The following SEM1 variants were observed in gnomAD, a reference collection of about 807,000 sequenced individuals.
SEM1 encodes the protein SEM1 26S proteasome subunit.
A neutral mutation model predicts 12.7 loss-of-function variants in SEM1; 3 were observed. That is an observed-to-expected ratio of 0.24 (90% CI 0.11 to 0.61). The LOEUF (loss-of-function observed/expected upper bound fraction) is 0.61. Ranked by LOEUF, SEM1 falls within the 20% of genes least tolerant of loss-of-function variation. The pLI, the probability that SEM1 is intolerant of heterozygous loss-of-function variation, is 0.88. For missense variants in SEM1, 59 were observed against 81.3 expected, an observed-to-expected ratio of 0.73 and a Z score of 1.06; for synonymous variants, 30 against 27.8, an observed-to-expected ratio of 1.08 and a Z score of -0.25.
intron 2 of SEM1, among the ~76,000 whole-genome samples, chr7:96,520,561 G>A (rs2115626625): frequency 6.6e-6 from 1 of 152,178 alleles, no homozygotes; most frequent in East Asian, 1.9e-4. Context: ...AATCCTGGTG[G>A]GTTACTCTCT....
chr7:96,540,122 G>A (rs924896147), intron 2 of SEM1, among the ~76,000 whole-genome samples: 5 of 151,340 alleles, frequency 3.3e-5, no homozygotes, highest in Non-Finnish European at 7.4e-5. Context: ...ACAAACAGTA[G>A]CACTAGCACA....
chr7:96,656,118 G>T (rs1352147101), intron 2 of SEM1, among the ~76,000 whole-genome samples: 2 of 152,150 alleles, frequency 1.3e-5, no homozygotes, highest in African/African-American at 4.8e-5. Context: ...CAGGAGGAAT[G>T]TAAAGATTCC....
chr7:96,498,982 CT>C (rs953478109), upstream of SEM1, among the ~76,000 whole-genome samples: 4 of 151,992 alleles, frequency 2.6e-5, no homozygotes, highest in African/African-American at 9.7e-5. Context: ...AATAGACTAG[CT>C]TTAACTATAA....
intron 2 of SEM1, among the ~76,000 whole-genome samples, chr7:96,534,423 C>T (rs1280705713): frequency 6.6e-6 from 1 of 152,022 alleles, no homozygotes; most frequent in African/African-American, 2.4e-5. Flanking sequence ...AGTGAAGCAA[C>T]ATTTTCCAAA....
chr7:96,604,419 C>A (rs770544167), intron 2 of SEM1, among the ~76,000 whole-genome samples: 16 of 152,110 alleles, frequency 1.1e-4, no homozygotes, highest in Non-Finnish European at 2.2e-4. Flanking sequence ...TCCCTAGTGT[C>A]ATTTCATGTA....
intron 2 of SEM1, among the ~76,000 whole-genome samples, chr7:96,683,128 T>C (rs963630686): frequency 2.0e-5 from 3 of 151,840 alleles, no homozygotes; most frequent in Non-Finnish European, 2.9e-5. Context: ...AGTTCAAACA[T>C]TGTGGAAGAC....
At chr7:96,601,135 A>G (rs1223060800) in intron 2 of SEM1, among the ~76,000 whole-genome samples, 1 of 152,242 alleles carries the variant, frequency 6.6e-6, no homozygotes, top group East Asian at 1.9e-4. Context: ...TTGTTTGTTT[A>G]AATAATTCCC....
intron 2 of SEM1, among the ~76,000 whole-genome samples, chr7:96,612,316 C>T (rs1807564658): frequency 6.6e-6 from 1 of 152,160 alleles, no homozygotes. Flanking sequence ...TGCATCCTGC[C>T]AACCAAGACA....
At chr7:96,654,361 G>C (rs1239870821) in intron 2 of SEM1, among the ~76,000 whole-genome samples, 1 of 152,142 alleles carries the variant, frequency 6.6e-6, no homozygotes, top group Non-Finnish European at 1.5e-5. Context: ...TCAAGGACTG[G>C]GATACAAATG....
intron 2 of SEM1, among the ~76,000 whole-genome samples, chr7:96,581,787 T>C (rs1229615162): frequency 6.6e-6 from 1 of 151,452 alleles, no homozygotes; most frequent in Non-Finnish European, 1.5e-5. Flanking sequence ...GTTGTTGGTG[T>C]ATAAGAATGC....
At chr7:96,546,267 C>T (rs1000142294) in intron 2 of SEM1, among the ~76,000 whole-genome samples, 4 of 151,984 alleles carry the variant, frequency 2.6e-5, no homozygotes, top group Non-Finnish European at 5.9e-5. Context: ...AACTCACCAT[C>T]GGAGGGGAAG....
chr7:96,569,936 A>G (rs1347511620), intron 2 of SEM1, among the ~76,000 whole-genome samples: 1 of 151,896 alleles, frequency 6.6e-6, no homozygotes, highest in Non-Finnish European at 1.5e-5. Flanking sequence ...ATTATCGTTG[A>G]TGGAAACTTA....
chr7:96,642,166 A>T (rs1808635213), intron 2 of SEM1, among the ~76,000 whole-genome samples: 1 of 152,028 alleles, frequency 6.6e-6, no homozygotes, highest in Non-Finnish European at 1.5e-5. Context: ...CATCTAGAAC[A>T]TTTTCATCAT....
intron 2 of SEM1, among the ~76,000 whole-genome samples, chr7:96,544,001 A>G (rs1261812604): frequency 1.3e-5 from 2 of 152,016 alleles, no homozygotes; most frequent in South Asian, 4.1e-4. Flanking sequence ...CACAAATTAT[A>G]TAGCCAGTCC....
rs114281800 is a variant in SEM1, at chr7:96,506,161, T to C, written c.*60+462A>G. ...CCATAGAAGTCTTTTGATAGTTTACTTGATATCTGTAGGACAAGATGTTCC... is the reference window on the plus strand; with the variant it reads ...CCATAGAAGTCTTTTGATAGTTTACCTGATATCTGTAGGACAAGATGTTCC... On this transcript the variant is annotated intron_variant and NMD_transcript_variant, in intron 3 of 3. Coordinates refer to the SEM1 transcript ENST00000466986. Among the ~76,000 whole-genome samples, 1,173 of 152,240 alleles carry C rather than the reference T, an allele frequency of 7.7e-3. 17 individuals carry two copies. Among genetic ancestry groups the C allele is most frequent in the African/African-American group, 0.027 (1,122 of 41,568 alleles).
At chr7:96,491,878 T>C (rs1803022270) in intron 1 of SEM1, among the ~76,000 whole-genome samples, 1 of 152,178 alleles carries the variant, frequency 6.6e-6, no homozygotes, top group African/African-American at 2.4e-5. Flanking sequence ...AAAAGAGTGC[T>C]ACATGTTATT....
intron 2 of SEM1, among the ~76,000 whole-genome samples, chr7:96,507,022 G>A (rs925277318): frequency 6.6e-6 from 1 of 151,730 alleles, no homozygotes; most frequent in African/African-American, 2.4e-5. Flanking sequence ...GTGCCAAAAG[G>A]ACTTAATTAC....
intron 2 of SEM1, among the ~76,000 whole-genome samples, chr7:96,602,590 T>A (rs1419952847): frequency 6.6e-6 from 1 of 152,162 alleles, no homozygotes; most frequent in African/African-American, 2.4e-5. Context: ...TATTTCTACC[T>A]CCCACTGATG....
intron 2 of SEM1, among the ~76,000 whole-genome samples, chr7:96,659,453 A>G (rs1232261408): frequency 6.6e-6 from 1 of 152,204 alleles, no homozygotes; most frequent in Non-Finnish European, 1.5e-5. Context: ...GATCATAACT[A>G]AAAGATCTTT....
Sources: gnomAD v4.1 joint callset for allele counts (sites outside exome capture counted in the v4.1 genomes callset) on GRCh38, gnomAD v4.1.1 for gene constraint, MANE v1.5 for transcripts, NCBI Gene and HGNC (gene_info 2026-07-23, HGNC 2026-07-21) for gene names.